Variants in RFX3 observed in about 807,000 individuals in gnomAD.
RFX3 encodes the protein regulatory factor X3.
In RFX3, 14 loss-of-function variants were observed where a neutral mutation model predicts 98.6. The observed-to-expected ratio is 0.14, with a 90% CI of 0.09 to 0.22. RFX3 has a LOEUF of 0.22. Among genes scored for constraint, RFX3 ranks in the 10% least tolerant of loss-of-function variants. The probability of loss-of-function intolerance (pLI) is 1.00; values close to 1 mark genes in which losing one functional copy is unlikely to be tolerated. For missense variants in RFX3, 639 were observed against 926.9 expected (o/e 0.69, Z 4.03); for synonymous variants, 383 against 328.4 (o/e 1.17, Z -1.80).
intron 4 of RFX3, among the ~76,000 whole-genome samples, chr9:3,327,280 T>C (rs1699337030): frequency 1.3e-5 from 2 of 152,168 alleles, no homozygotes; most frequent in South Asian, 2.1e-4. Flanking sequence ...AAGAGGCACA[T>C]GATATGAAAT....
At chr9:3,504,875 TATA>T (rs1430257131) in intron 1 of RFX3, among the ~76,000 whole-genome samples, 1 of 49,678 alleles carries the variant, frequency 2.0e-5, no homozygotes, top group Non-Finnish European at 3.2e-5. Context: ...ATATATTATA[TATA>T]TTATATATAA....
chr9:3,334,992 C>T lies in RFX3; in HGVS notation c.216-4475G>A, dbSNP rs140615750. ...AAAAAATTAGCCAGGCATGGTGGCACGCACCTGTAATCCCAGCTACTGAAG... is the reference window on the plus strand; with the variant it reads ...AAAAAATTAGCCAGGCATGGTGGCATGCACCTGTAATCCCAGCTACTGAAG... On this transcript the variant is annotated intron_variant, in intron 3 of 16. Coordinates refer to ENST00000617270, the MANE Select transcript of RFX3 (RefSeq NM_001282116.2). Among the ~76,000 whole-genome samples the T allele has an allele frequency of 4.3e-3, 656 of 152,038 alleles. 6 individuals carry two copies. Among genetic ancestry groups the T allele is most frequent in the African/African-American group, 0.015 (631 of 41,458 alleles).
At chr9:3,335,956 GT>G (rs1449978199) in intron 3 of RFX3, among the ~76,000 whole-genome samples, 2 of 152,058 alleles carry the variant, frequency 1.3e-5, no homozygotes, top group African/African-American at 4.8e-5. Context: ...GCTATAACCA[GT>G]TTTTTTCTGT....
chr9:3,494,310 T>A (rs1850954892), intron 1 of RFX3, among the ~76,000 whole-genome samples: 1 of 152,154 alleles, frequency 6.6e-6, no homozygotes, highest in Admixed American at 6.6e-5. Flanking sequence ...TGGAACCCCT[T>A]CAGATCTTAA....
intron 8 of RFX3, among the ~76,000 whole-genome samples, chr9:3,276,011 G>A (rs1825165561): frequency 1.3e-5 from 2 of 152,036 alleles, no homozygotes; most frequent in African/African-American, 4.8e-5. Context: ...GTTCTTAACT[G>A]TTATAGAGTC....
At chr9:3,428,328 T>C (rs919796150) in intron 1 of RFX3, among the ~76,000 whole-genome samples, 1 of 152,166 alleles carries the variant, frequency 6.6e-6, no homozygotes, top group Non-Finnish European at 1.5e-5. Flanking sequence ...GTTGAATGAA[T>C]AGGTAGCGCT....
At chr9:3,446,029 C>T (rs1447556396) in intron 1 of RFX3, among the ~76,000 whole-genome samples, 2 of 151,920 alleles carry the variant, frequency 1.3e-5, no homozygotes, top group African/African-American at 4.8e-5. Flanking sequence ...GGTTTGTTTC[C>T]TGCAAAAACA....
intron 7 of RFX3, among the ~76,000 whole-genome samples, chr9:3,280,134 G>T (rs1243499945): frequency 6.6e-6 from 1 of 151,834 alleles, no homozygotes; most frequent in Non-Finnish European, 1.5e-5. Context: ...ATTGAGCAAA[G>T]ACACACTATG....
chr9:3,434,532 T>C (rs73387704), intron 1 of RFX3, among the ~76,000 whole-genome samples: 1,584 of 152,224 alleles, frequency 0.01, 30 homozygotes, highest in African/African-American at 0.036. Context: ...ACAATGATCA[T>C]CTTGTATTTC....
intron 11 of RFX3, among the ~76,000 whole-genome samples, chr9:3,268,146 C>A (rs565829938): frequency 1.3e-4 from 19 of 151,786 alleles, no homozygotes; most frequent in Non-Finnish European, 2.4e-4. Flanking sequence ...ATACAATTAA[C>A]GTTTTTTTCA....
chr9:3,495,037 C>T (rs1047468487), intron 1 of RFX3, among the ~76,000 whole-genome samples: 1 of 151,844 alleles, frequency 6.6e-6, no homozygotes, highest in South Asian at 2.1e-4. Context: ...AGAATTCTAA[C>T]TTTAAATTGC....
intron 1 of RFX3, among the ~76,000 whole-genome samples, chr9:3,524,827 GCACACACACACACACACACACACACACA>G (rs34119220): frequency 3.1e-5 from 4 of 128,132 alleles, no homozygotes; most frequent in Non-Finnish European, 3.3e-5. Context: ...TAAATCACAA[GCACACACACACACACACACACACACACA>G]CACACACACA....
chr9:3,453,011 T>G (rs1006132386), intron 1 of RFX3, among the ~76,000 whole-genome samples: 25 of 152,306 alleles, frequency 1.6e-4, no homozygotes, highest in African/African-American at 6.0e-4. Context: ...CTCTATTTAC[T>G]AGTTATTTAA....
chr9:3,492,971 C>A (rs762718396), intron 1 of RFX3, among the ~76,000 whole-genome samples: 1 of 152,092 alleles, frequency 6.6e-6, no homozygotes, highest in Admixed American at 6.5e-5. Context: ...ATCCTATTTA[C>A]AAGGATGGTT....
At chr9:3,440,056 C>T (rs1845486112) in intron 1 of RFX3, among the ~76,000 whole-genome samples, 1 of 151,986 alleles carries the variant, frequency 6.6e-6, no homozygotes, top group Non-Finnish European at 1.5e-5. Flanking sequence ...CAAATTCTAA[C>T]ATCCATTGCT....
At chr9:3,430,848 T>C (rs1844593241) in intron 1 of RFX3, among the ~76,000 whole-genome samples, 1 of 152,108 alleles carries the variant, frequency 6.6e-6, no homozygotes, top group Non-Finnish European at 1.5e-5. Context: ...AAAATTAAGA[T>C]GAAGGTATGT....
chr9:3,356,784 CAGGT>C (rs1835822530), intron 2 of RFX3, among the ~76,000 whole-genome samples: 1 of 151,800 alleles, frequency 6.6e-6, no homozygotes. Flanking sequence ...AAATCATAAT[CAGGT>C]AGGATTTAAC....
chr9:3,224,868 A>T lies in RFX3; in HGVS notation c.*174T>A. 1 of 442,414 alleles carries T rather than the reference A, an allele frequency of 2.3e-6. No individual in the cohort carries two copies. Among genetic ancestry groups the T allele is most frequent in the South Asian group, 4.9e-5 (1 of 20,218 alleles). 27.4% of individuals were successfully genotyped at this position (442,414 alleles called of 1,614,324 possible). A position where few individuals can be genotyped will look rare whatever the true frequency, so the allele number is the denominator to read the frequency against. Reference sequence around the variant, plus strand: ...AAGAAGCAAATAATTTGTTTACGTTAAAAAAAAAGATCTGGCAAAATACAT... The same window carrying T: ...AAGAAGCAAATAATTTGTTTACGTTTAAAAAAAAGATCTGGCAAAATACAT... On this transcript the variant is annotated 3_prime_UTR_variant, in exon 17 of 17. Transcript: ENST00000617270.
intron 1 of RFX3, among the ~76,000 whole-genome samples, chr9:3,473,159 C>G (rs1480817965): frequency 6.6e-6 from 1 of 152,088 alleles, no homozygotes; most frequent in African/African-American, 2.4e-5. Flanking sequence ...GGAATTATCT[C>G]CACACATAAT....
Sources: allele counts gnomAD v4.1 joint callset (sites outside exome capture counted in the v4.1 genomes callset), GRCh38; gene constraint gnomAD v4.1.1; transcripts MANE v1.5; gene names NCBI Gene and HGNC (gene_info 2026-07-23, HGNC 2026-07-21).